The following P4HA1 variants were observed in gnomAD, a reference collection of about 807,000 sequenced individuals.
The protein encoded by P4HA1 is prolyl 4-hydroxylase subunit alpha-1.
Under a neutral mutation model 72.8 loss-of-function variants are expected in P4HA1, and 24 were observed. That is an observed-to-expected ratio of 0.33 (90% CI 0.24 to 0.46). The LOEUF (loss-of-function observed/expected upper bound fraction) is 0.46, where lower values mean the gene tolerates loss of function less well. Among genes scored for constraint, P4HA1 ranks in the 20% least tolerant of loss-of-function variants. The pLI is 1.00. For missense variants in P4HA1, 446 were observed against 640.6 expected, an observed-to-expected ratio of 0.70 and a Z score of 3.28; for synonymous variants, 201 against 218.8, an observed-to-expected ratio of 0.92 and a Z score of 0.72.
At chr10:73,030,216 C>A (rs1223904344) in intron 10 of P4HA1, 55 bp downstream of exon 10, 1 of 845,224 alleles carries the variant, frequency 1.2e-6, no homozygotes, top group Admixed American at 2.4e-5. Context: ...AGGAAATCTC[C>A]TCTCAAGCAT....
intron 5 of P4HA1, among the ~76,000 whole-genome samples, chr10:73,058,773 G>GTTTTT (rs1841222524): frequency 1.5e-5 from 2 of 137,640 alleles, no homozygotes; most frequent in African/African-American, 6.2e-5. Context: ...TTTATAGTAT[G>GTTTTT]CTTTTTTTTT....
intron 1 of P4HA1, among the ~76,000 whole-genome samples, chr10:73,090,514 A>G (rs769562771): frequency 6.6e-5 from 10 of 152,152 alleles, no homozygotes; most frequent in Non-Finnish European, 1.0e-4. Context: ...TTTTTGTCAA[A>G]TTTATCAAAT....
intron 3 of P4HA1, among the ~76,000 whole-genome samples, chr10:73,073,140 A>AG (rs1436197244): frequency 7.0e-6 from 1 of 142,984 alleles, no homozygotes; most frequent in Admixed American, 6.9e-5. Context: ...ACTGCACTCC[A>AG]GCCTGGGCAA....
In P4HA1 at chr10:73,078,629, G is replaced by A. The variant is rs1285542728; in HGVS notation, c.-32-3714C>T. Among the ~76,000 whole-genome samples, 50 of 16,444 alleles carry A rather than the reference G, an allele frequency of 3.0e-3. 1 individual carries two copies. The South Asian group carries it at 0.032, about 11-fold the overall frequency. The allele number at this position is 16,444 out of a possible 152,430, so 10.8% of individuals were successfully genotyped here. A position where few individuals can be genotyped will look rare whatever the true frequency, so the allele number is the denominator to read the frequency against. ...TTTTTTTTTTTTTTTTTTTTTTTTT[G>A]GAGACAGAGTCTCATTCTGTTGCCC... On this transcript the variant is annotated intron_variant, in intron 1 of 14. Transcript: ENST00000394890.
intron 9 of P4HA1, among the ~76,000 whole-genome samples, chr10:73,034,841 A>G (rs1048749016): frequency 1.3e-5 from 2 of 152,104 alleles, no homozygotes; most frequent in Admixed American, 6.5e-5. Context: ...TCAGCCTCCC[A>G]AAGTGCTGAG....
chr10:73,080,747 T>C (rs193030153), intron 1 of P4HA1, among the ~76,000 whole-genome samples: 177 of 152,100 alleles, frequency 1.2e-3, no homozygotes, highest in Non-Finnish European at 1.7e-3. Context: ...GCTAACACAG[T>C]GAAACCCCGT....
At chr10:73,045,467 AT>A (rs1370039903) in intron 8 of P4HA1, among the ~76,000 whole-genome samples, 2 of 151,770 alleles carry the variant, frequency 1.3e-5, no homozygotes, top group African/African-American at 2.4e-5. Flanking sequence ...TTTGACTTTA[AT>A]TTTTTTTAGT....
At chr10:73,066,177 T>C (rs1841417113) in intron 5 of P4HA1, among the ~76,000 whole-genome samples, 2 of 152,222 alleles carry the variant, frequency 1.3e-5, no homozygotes, top group South Asian at 4.1e-4. Context: ...AAAACTCTTA[T>C]GCTAGTATTC....
At chr10:73,044,945 T>C (rs1564627181) in intron 9 of P4HA1, 36 bp downstream of exon 9, 2 of 1,545,272 alleles carry the variant, frequency 1.3e-6, no homozygotes, top group Non-Finnish European at 1.8e-6. Flanking sequence ...AAAACACTCA[T>C]TAGAGGGCAA....
rs1461747580 is a variant in P4HA1 at position 73,010,956 on chromosome 10, C to A, written c.1437+13G>T. 3.7e-6 allele frequency: 6 copies of A among 1,607,500 alleles called. No homozygotes were observed. In the African/African-American group the frequency reaches 8.0e-5, roughly 22 times the overall value. ...AAAAATTAATAAACCAAAAACAAAACAAACAGGCTTACTTTTTTGGGCCAA... is the reference window on the plus strand; with the variant it reads ...AAAAATTAATAAACCAAAAACAAAAAAAACAGGCTTACTTTTTTGGGCCAA... On this transcript the variant is annotated intron_variant, in intron 13 of 14. Coordinates refer to ENST00000394890, the MANE Select transcript of P4HA1 (RefSeq NM_001017962.3).
At chr10:73,028,608 A>G (rs1280849333) in intron 10 of P4HA1, among the ~76,000 whole-genome samples, 1 of 151,818 alleles carries the variant, frequency 6.6e-6, no homozygotes, top group African/African-American at 2.4e-5. Flanking sequence ...ATTTTTTTGT[A>G]TTTTTTAGTA....
Position 73,007,917 on chromosome 10 carries a change from G to T in P4HA1, c.*305C>A. ...ATGTAGTGAAATACTAAAACTGGAT[G>T]CTCAAATTATGTTTTTATCCAACCA... On this transcript the variant is annotated 3_prime_UTR_variant, in exon 15 of 15. Coordinates refer to ENST00000394890, the MANE Select transcript of P4HA1 (RefSeq NM_001017962.3). 4.1e-6 allele frequency: 1 copy of T among 246,088 alleles called. No homozygotes were observed. Among genetic ancestry groups the T allele is most frequent in the East Asian group, 7.4e-5 (1 of 13,442 alleles). 15.2% of individuals were successfully genotyped at this position (246,088 alleles called of 1,614,324 possible).
At chr10:73,094,932 C>T (rs1842127060) in intron 1 of P4HA1, among the ~76,000 whole-genome samples, 1 of 152,136 alleles carries the variant, frequency 6.6e-6, no homozygotes, top group South Asian at 2.1e-4. Context: ...TATCCGCCTA[C>T]CAAAGTCCTG....
At chr10:73,090,513 A>C (rs1842006638) in intron 1 of P4HA1, among the ~76,000 whole-genome samples, 1 of 152,114 alleles carries the variant, frequency 6.6e-6, no homozygotes, top group Non-Finnish European at 1.5e-5. Context: ...ATTTTTGTCA[A>C]ATTTATCAAA....
chr10:73,044,921 C>T (rs564885582), intron 9 of P4HA1, 60 bp downstream of exon 9: 1 of 1,337,880 alleles, frequency 7.5e-7, no homozygotes, highest in Non-Finnish European at 1.1e-6. Flanking sequence ...ATGAATAATT[C>T]CTGTAAGATG....
intron 9 of P4HA1, among the ~76,000 whole-genome samples, chr10:73,039,509 G>A (rs1840682663): frequency 6.6e-6 from 1 of 151,804 alleles, no homozygotes; most frequent in African/African-American, 2.4e-5. Flanking sequence ...GGGTTTCACT[G>A]TGTTAGCCAG....
At position 73,041,545 on chromosome 10, in the gene P4HA1, C is replaced by A. The variant is rs913375479; in HGVS notation, c.1148+3436G>T. 1.2e-4 allele frequency among the ~76,000 whole-genome samples: 17 copies of A among 137,030 alleles called. 1 individual carries two copies. The highest frequency in any genetic ancestry group is 2.1e-4 in the South Asian group (1 of 4,660). The allele number at this position is 137,030 out of a possible 152,430, so 89.9% of individuals were successfully genotyped here. ...GCGACAGAGCAAGACTCCATCCCCC[C>A]CCCAAAAAAAAAAAAAAAGAATTCT... On this transcript the variant is annotated intron_variant, in intron 9 of 14. Transcript: ENST00000394890.
intron 1 of P4HA1, among the ~76,000 whole-genome samples, chr10:73,078,774 G>C (rs900821294): frequency 2.0e-5 from 3 of 151,910 alleles, no homozygotes; most frequent in African/African-American, 7.3e-5. Flanking sequence ...AACACGCCCA[G>C]CTAATTTTTG....
At chr10:73,008,843 G>A (rs1346578747) in intron 14 of P4HA1, among the ~76,000 whole-genome samples, 2 of 149,762 alleles carry the variant, frequency 1.3e-5, no homozygotes, top group African/African-American at 2.5e-5. Context: ...TTTTGTCTCT[G>A]GTACCATAGA....
Sources: gnomAD v4.1 joint callset for allele counts (sites outside exome capture counted in the v4.1 genomes callset) on GRCh38, gnomAD v4.1.1 for gene constraint, MANE v1.5 for transcripts, NCBI Gene and HGNC (gene_info 2026-07-23, HGNC 2026-07-21) for gene names.